GABRB2: variants seen among roughly 807,000 people sequenced by gnomAD.
The protein encoded by GABRB2 is gamma-aminobutyric acid receptor subunit beta-2.
A neutral mutation model predicts 54.7 loss-of-function variants in GABRB2; 16 were observed. The observed-to-expected ratio is 0.29, with a 90% CI of 0.20 to 0.44. The LOEUF (loss-of-function observed/expected upper bound fraction) is 0.44. Ranked by LOEUF, GABRB2 falls within the 20% of genes least tolerant of loss-of-function variation. GABRB2 has a pLI of 1.00. For synonymous variants in GABRB2, 244 were observed against 233.8 expected (o/e 1.04, Z -0.40); for missense variants, 355 against 644.0 (o/e 0.55, Z 4.86).
rs1757242453 is a variant in GABRB2, at chr5:161,291,700, C to T, written c.*2381G>A. On this transcript the variant is annotated 3_prime_UTR_variant, in exon 10 of 10. Transcript: ENST00000393959. Reference sequence around the variant, plus strand: ...TTGTTCTGTTGACTTTCTTGGACATCTAAAATTTTGTTGTAATCATAAATG... The same window carrying T: ...TTGTTCTGTTGACTTTCTTGGACATTTAAAATTTTGTTGTAATCATAAATG... 1 of 152,524 alleles carries T rather than the reference C, an allele frequency of 6.6e-6. No individual in the cohort carries two copies. The highest frequency in any genetic ancestry group is 2.1e-4 in the South Asian group (1 of 4,826). The allele number at this position is 152,524 out of a possible 1,614,324, so 9.4% of individuals were successfully genotyped here.
intron 5 of GABRB2, among the ~76,000 whole-genome samples, chr5:161,348,274 G>A (rs929626743): frequency 6.6e-6 from 1 of 151,800 alleles, no homozygotes; most frequent in Non-Finnish European, 1.5e-5. Flanking sequence ...CAACAAAAAC[G>A]ATCCTATTAT....
At chr5:161,545,145 C>T in intron 3 of GABRB2, 82 bp downstream of exon 3, 1 of 1,038,482 alleles carries the variant, frequency 9.6e-7, no homozygotes, top group East Asian at 2.7e-5. Context: ...AGCACACCCC[C>T]ACCCCCAATA....
rs1374847827 is a variant in GABRB2 at position 161,290,331 on chromosome 5, CA to C, written c.*3749del. ...TGTTTGTTTTTGACTCACCAATGGA[CA>C]ATGTTATTTGTTTCCTTGAAAAAGA... On this transcript the variant is annotated 3_prime_UTR_variant, in exon 10 of 10. Transcript: ENST00000393959. The C allele has an allele frequency of 6.6e-6, 1 of 152,028 alleles. No homozygotes were observed. Among genetic ancestry groups the C allele is most frequent in the Non-Finnish European group, 1.5e-5 (1 of 67,940 alleles). The allele number at this position is 152,028 out of a possible 1,614,324, so 9.4% of individuals were successfully genotyped here.
Position 161,475,639 on chromosome 5 carries a change from T to C in GABRB2, c.238-15795A>G, listed in dbSNP as rs186147711. 2.3e-3 allele frequency among the ~76,000 whole-genome samples: 356 copies of C among 152,060 alleles called. 1 individual carries two copies. Among genetic ancestry groups the C allele is most frequent in the Non-Finnish European group, 4.3e-3 (292 of 67,936 alleles). ...TAACAAGTAGAATTTATTCCTGGAA[T>C]GCAAAGATGGTTCAACATATGAAAA... is the stretch of plus-strand genomic sequence containing the variant. On this transcript the variant is annotated intron_variant, in intron 3 of 9. Transcript: ENST00000393959.
intron 5 of GABRB2, among the ~76,000 whole-genome samples, chr5:161,373,236 T>A (rs549979710): frequency 6.6e-6 from 1 of 152,324 alleles, no homozygotes; most frequent in East Asian, 1.9e-4. Context: ...GATATATTAG[T>A]CACAGACATG....
intron 3 of GABRB2, among the ~76,000 whole-genome samples, chr5:161,465,022 C>G (rs970090012): frequency 2.6e-5 from 4 of 151,898 alleles, no homozygotes; most frequent in African/African-American, 9.7e-5. Flanking sequence ...TATACCAAAG[C>G]GAGTGCATTT....
At chr5:161,543,294 C>T (rs1402852851) in intron 3 of GABRB2, among the ~76,000 whole-genome samples, 1 of 152,108 alleles carries the variant, frequency 6.6e-6, no homozygotes, top group African/African-American at 2.4e-5. Flanking sequence ...AGATATCTCT[C>T]CAAAATGTTG....
At chr5:161,295,437 A>G (rs539541546) in intron 9 of GABRB2, among the ~76,000 whole-genome samples, 2 of 152,292 alleles carry the variant, frequency 1.3e-5, no homozygotes, top group East Asian at 3.9e-4. Flanking sequence ...AATAAAACCT[A>G]GACAGAACAA....
At chr5:161,359,427 C>A (rs918985283) in intron 5 of GABRB2, among the ~76,000 whole-genome samples, 7 of 122,178 alleles carry the variant, frequency 5.7e-5, no homozygotes, top group Admixed American at 9.5e-5. Flanking sequence ...TTCAAGAGCA[C>A]AAAATTGCAT....
chr5:161,329,320 T>C (rs1425961083), intron 8 of GABRB2: 1 of 152,194 alleles, frequency 6.6e-6, no homozygotes, highest in Non-Finnish European at 1.5e-5. Context: ...GTTTAGAAAA[T>C]ACTCTTTCAT....
At chr5:161,387,557 TAA>T (rs971740680) in intron 5 of GABRB2, among the ~76,000 whole-genome samples, 5 of 152,164 alleles carry the variant, frequency 3.3e-5, no homozygotes, top group African/African-American at 1.2e-4. Flanking sequence ...GGTGCAAATG[TAA>T]AGAGTGTCAG....
chr5:161,546,743 C>T (rs754680803), upstream of GABRB2: 8 of 1,521,400 alleles, frequency 5.3e-6, no homozygotes, highest in Non-Finnish European at 6.2e-6. Context: ...ATGCGCACGG[C>T]GTACCAAAAC....
At chr5:161,482,625 C>A (rs1420560604) in intron 3 of GABRB2, among the ~76,000 whole-genome samples, 1 of 152,030 alleles carries the variant, frequency 6.6e-6, no homozygotes, top group Non-Finnish European at 1.5e-5. Context: ...ATGGGCATAA[C>A]TATGGAATTT....
chr5:161,511,579 T>C (rs868687296), intron 3 of GABRB2, among the ~76,000 whole-genome samples: 31 of 152,172 alleles, frequency 2.0e-4, no homozygotes, highest in African/African-American at 7.0e-4. Flanking sequence ...GTTATCTTTG[T>C]TTGCTACAGC....
At chr5:161,306,218 G>GCCTCTA (rs1371021368) in intron 9 of GABRB2, among the ~76,000 whole-genome samples, 1 of 152,194 alleles carries the variant, frequency 6.6e-6, no homozygotes, top group Non-Finnish European at 1.5e-5. Context: ...ATTATAACCT[G>GCCTCTA]CCTCTAGTTT....
chr5:161,494,422 A>G (rs1284811801), intron 3 of GABRB2, among the ~76,000 whole-genome samples: 3 of 151,796 alleles, frequency 2.0e-5, no homozygotes, highest in African/African-American at 7.2e-5. Context: ...CCTAGCTCCA[A>G]TATGTAAATC....
chr5:161,422,047 A>T (rs1320576486), intron 4 of GABRB2, among the ~76,000 whole-genome samples: 2 of 152,148 alleles, frequency 1.3e-5, no homozygotes, highest in East Asian at 3.9e-4. Context: ...AGGGAAATAG[A>T]TCCTCTTGCA....
At chr5:161,472,427 C>A (rs576978051) in intron 3 of GABRB2, among the ~76,000 whole-genome samples, 1 of 151,328 alleles carries the variant, frequency 6.6e-6, no homozygotes, top group Admixed American at 6.6e-5. Flanking sequence ...CACACATACA[C>A]GCACACACAC....
intron 4 of GABRB2, among the ~76,000 whole-genome samples, chr5:161,452,675 T>C (rs1447116681): frequency 6.6e-6 from 1 of 152,150 alleles, no homozygotes; most frequent in African/African-American, 2.4e-5. Context: ...CCTGCACTTA[T>C]ACCTCCTGAA....
Sources: gnomAD v4.1 joint callset for allele counts (sites outside exome capture counted in the v4.1 genomes callset) on GRCh38, gnomAD v4.1.1 for gene constraint, MANE v1.5 for transcripts, NCBI Gene and HGNC (gene_info 2026-07-23, HGNC 2026-07-21) for gene names.